The following PLIN1 variants were observed in gnomAD, a reference collection of about 807,000 sequenced individuals.
PLIN1 encodes the protein perilipin 1, also known as perilipin-1.
In PLIN1, 37 loss-of-function variants were observed where a neutral mutation model predicts 45.8. The observed-to-expected ratio is 0.81, with a 90% CI of 0.62 to 1.06. The LOEUF (loss-of-function observed/expected upper bound fraction) is 1.06. Among genes scored for constraint, PLIN1 ranks in the 50% least tolerant of loss-of-function variants. The pLI is 0.00. For synonymous variants in PLIN1, 340 were observed against 309.2 expected, an observed-to-expected ratio of 1.10 and a Z score of -1.05; for missense variants, 776 against 716.5, an observed-to-expected ratio of 1.08 and a Z score of -0.95.
chr15:89,665,721 G>A lies in PLIN1; in HGVS notation c.1431C>T (p.Pro477=). 1.4e-6 allele frequency: 2 copies of A among 1,459,032 alleles called. No homozygotes were observed. Among genetic ancestry groups the A allele is most frequent in the South Asian group, 2.6e-5 (2 of 75,982 alleles). 90.4% of individuals were successfully genotyped at this position (1,459,032 alleles called of 1,614,324 possible). A position where few individuals can be genotyped will look rare whatever the true frequency, so the allele number is the denominator to read the frequency against. ...CCGGGAAGCCCGGGCGCGGCGCTGC[G>A]GGCGTGGCGACTTCGTCCTCCAGGC... ...GPGLEDEVAT[P]AAPRPGFPAV... Residue 477 remains proline, a synonymous_variant, in exon 9 of 9, where the codon CCC becomes CCT. Coordinates refer to ENST00000300055, the MANE Select transcript of PLIN1 (RefSeq NM_002666.5).
intron 3 of PLIN1, among the ~76,000 whole-genome samples, chr15:89,672,828 G>A (rs1016281398): frequency 7.2e-5 from 11 of 152,260 alleles, no homozygotes; most frequent in African/African-American, 1.2e-4. Context: ...CCCTAGTGCC[G>A]GCTGCCTCTG....
Position 89,666,990 on chromosome 15 carries a change from A to T in PLIN1, c.1155T>A (p.Asp385Glu). The change falls in exon 8 of 9, where the codon GAT becomes GAA. Residue 385 changes from aspartate (D) to glutamate (E), a missense_variant. Coordinates refer to ENST00000300055, the MANE Select transcript of PLIN1 (RefSeq NM_002666.5). ...STKGRAMSLS[D>E]ALKGVTDNVV... is the part of the protein sequence containing the mutation. ...CGTTGTCAGTAACGCCCTTCAGGGC[A>T]TCTGATAGGGACATGGCCCTCCCCT... 1 of 1,614,086 alleles carries T rather than the reference A, an allele frequency of 6.2e-7. No homozygotes were observed. The highest frequency in any genetic ancestry group is 8.5e-7 in the Non-Finnish European group (1 of 1,179,944).
chr15:89,676,376 T>A (rs1488846199), intron 2 of PLIN1, among the ~76,000 whole-genome samples: 1 of 152,166 alleles, frequency 6.6e-6, no homozygotes, highest in Non-Finnish European at 1.5e-5. Flanking sequence ...GTCTCCCAAG[T>A]AGCTGGGACT....
intron 2 of PLIN1, among the ~76,000 whole-genome samples, chr15:89,676,111 C>A (rs1400493480): frequency 2.6e-5 from 4 of 152,044 alleles, no homozygotes; most frequent in African/African-American, 9.7e-5. Flanking sequence ...GAATATGACA[C>A]TGTGGCATGG....
Position 89,667,942 on chromosome 15 carries a change from AG to A in PLIN1, c.772-150del, listed in dbSNP as rs1031795558. 6.7e-4 allele frequency: 737 copies of A among 1,093,674 alleles called. 9 individuals carry two copies. The highest frequency in any genetic ancestry group is 8.2e-4 in the Non-Finnish European group (680 of 834,036). The allele number at this position is 1,093,674 out of a possible 1,614,324, so 67.7% of individuals were successfully genotyped here. A position where few individuals can be genotyped will look rare whatever the true frequency, so the allele number is the denominator to read the frequency against. ...AGACTTTTCTGGAAACTTTTTATTG[AG>A]TTGGTAATCTACATACACTAAAGTG... On this transcript the variant is annotated intron_variant, in intron 6 of 8. Transcript: ENST00000300055.
chr15:89,676,477 G>T (rs1027842605), intron 2 of PLIN1: 3 of 152,234 alleles, frequency 2.0e-5, no homozygotes, highest in Non-Finnish European at 4.4e-5. Context: ...TTGATCTCCT[G>T]ACCTTGTGAA....
At position 89,677,450 on chromosome 15, in the gene PLIN1, G is replaced by A. The variant is rs1345259710; in HGVS notation, c.40C>T (p.Leu14Phe). Residue 14 changes from leucine to phenylalanine, a missense_variant, in exon 2 of 9, where the codon CTC becomes TTC. Coordinates refer to ENST00000300055, the MANE Select transcript of PLIN1 (RefSeq NM_002666.5). The stretch of plus-strand genomic sequence containing the variant: ...GATGAGCCCAAGTTACTTACAGGGA[G>A]GTCTCCATCCAGCAAGGTGAGGCCT... ...NKGLTLLDGDLPEQENVLQRV... is the reference protein window; with the variant it reads ...NKGLTLLDGDFPEQENVLQRV... 2.5e-6 allele frequency: 4 copies of A among 1,613,476 alleles called. No individual in the cohort carries two copies. The highest frequency in any genetic ancestry group is 3.4e-6 in the Non-Finnish European group (4 of 1,179,444).
Position 89,673,325 on chromosome 15 carries a change from C to T in PLIN1, c.135G>A (p.Lys45=). The T allele has an allele frequency of 6.3e-7, 1 of 1,596,416 alleles. No individual in the cohort carries two copies. Among genetic ancestry groups the T allele is most frequent in the Non-Finnish European group, 8.5e-7 (1 of 1,171,016 alleles). The change falls in exon 3 of 9, where the codon AAG becomes AAA. Residue 45 remains lysine (K), a synonymous_variant. Transcript: ENST00000300055. ...CAGAGGCCACCAGGGGGTGGGCTTC[C>T]TTAGTGCTGGTGTAGGTCTTCTGGA... ...ECFQKTYTST[K]EAHPLVASVC...
intron 2 of PLIN1, chr15:89,677,177 T>C: frequency 1.8e-6 from 1 of 542,990 alleles, no homozygotes; most frequent in Non-Finnish European, 3.3e-6. Flanking sequence ...TTCCTTCCTC[T>C]CCACTCCCCC....
intron 2 of PLIN1, 95 bp from the exon 3 acceptor site, chr15:89,673,509 G>T: frequency 9.9e-7 from 1 of 1,010,002 alleles, no homozygotes; most frequent in South Asian, 1.4e-5. Flanking sequence ...GGTGCAACTA[G>T]CCTGAGTCCA....
At chr15:89,669,117 C>A (rs934844945) in intron 6 of PLIN1, among the ~76,000 whole-genome samples, 2 of 152,014 alleles carry the variant, frequency 1.3e-5, no homozygotes, top group African/African-American at 4.8e-5. Flanking sequence ...GATGACAGTC[C>A]CTAGTGCTTG....
At chr15:89,669,723 GGA>G in intron 5 of PLIN1, 51 bp from the exon 6 acceptor site, 1 of 1,545,774 alleles carries the variant, frequency 6.5e-7, no homozygotes, top group South Asian at 1.1e-5. Context: ...GAGAGGGGCC[GGA>G]GAGATCTGGG....
At position 89,664,587 on chromosome 15, in the gene PLIN1, G is replaced by A; in HGVS notation, c.*996C>T. The A allele has an allele frequency of 3.8e-6, 1 of 263,058 alleles. No individual in the cohort carries two copies. The highest frequency in any genetic ancestry group is 7.6e-6 in the Non-Finnish European group (1 of 132,182). 16.3% of individuals were successfully genotyped at this position (263,058 alleles called of 1,614,324 possible). A position where few individuals can be genotyped will look rare whatever the true frequency, so the allele number is the denominator to read the frequency against. On this transcript the variant is annotated 3_prime_UTR_variant, in exon 9 of 9. Transcript: ENST00000300055. Reference sequence around the variant, plus strand: ...ATTATTAAGTGAAAAAAGCAGGCATGCGTAACACCCCACAGCTTGTGTAAA... The same window carrying A: ...ATTATTAAGTGAAAAAAGCAGGCATACGTAACACCCCACAGCTTGTGTAAA...
chr15:89,673,599 C>G (rs1204137026), intron 2 of PLIN1, among the ~76,000 whole-genome samples, 185 bp from the exon 3 acceptor site: 1 of 152,154 alleles, frequency 6.6e-6, no homozygotes, highest in Non-Finnish European at 1.5e-5. Context: ...ATGGGGAAAA[C>G]AAGAGTCAGC....
chr15:89,675,422 C>CAAA (rs71151523), intron 2 of PLIN1, among the ~76,000 whole-genome samples: 78 of 62,484 alleles, frequency 1.2e-3, no homozygotes, highest in African/African-American at 3.4e-3. Flanking sequence ...CTCTGAGCCA[C>CAAA]AAAAAAAAAA....
At chr15:89,674,705 G>T (rs956670219) in intron 2 of PLIN1, among the ~76,000 whole-genome samples, 5 of 152,062 alleles carry the variant, frequency 3.3e-5, no homozygotes, top group African/African-American at 1.2e-4. Flanking sequence ...TCATCCATGG[G>T]TTGGCCCTTC....
intron 5 of PLIN1, 60 bp from the exon 6 acceptor site, chr15:89,669,732 TG>T: frequency 6.6e-7 from 1 of 1,522,062 alleles, no homozygotes; most frequent in Non-Finnish European, 9.0e-7. Flanking sequence ...CGGAGAGATC[TG>T]GGTCATGTCT....
At chr15:89,677,749 C>A in intron 1 of PLIN1, 1 of 520,334 alleles carries the variant, frequency 1.9e-6, no homozygotes, top group Non-Finnish European at 3.4e-6. Flanking sequence ...TCTTTTCTTT[C>A]TTTCTTTTTT....
At chr15:89,670,627 C>T (rs1964425833) in intron 4 of PLIN1, among the ~76,000 whole-genome samples, 1 of 152,188 alleles carries the variant, frequency 6.6e-6, no homozygotes, top group African/African-American at 2.4e-5. Context: ...GCTTGATCTT[C>T]CTACAAGTTC....
Sources: gnomAD v4.1 joint callset for allele counts (sites outside exome capture counted in the v4.1 genomes callset) on GRCh38, gnomAD v4.1.1 for gene constraint, MANE v1.5 for transcripts, NCBI Gene and HGNC (gene_info 2026-07-23, HGNC 2026-07-21) for gene names.